Variants in HYDIN observed in about 807,000 individuals in gnomAD.
The protein encoded by HYDIN is axonemal central pair apparatus protein HYDIN.
A neutral mutation model predicts 403.9 loss-of-function variants in HYDIN; 132 were observed. That is an observed-to-expected ratio of 0.33 (90% CI 0.28 to 0.38). The LOEUF (loss-of-function observed/expected upper bound fraction) is 0.38. Among genes scored for constraint, HYDIN ranks in the 10% least tolerant of loss-of-function variants. The pLI is 1.00. For missense variants in HYDIN, 2,827 were observed against 5,009.5 expected (o/e 0.56, Z 13.15); for synonymous variants, 1,202 against 1,891.7 (o/e 0.64, Z 9.46).
chr16:71,039,725 C>A (rs1226506901), intron 18 of HYDIN, among the ~76,000 whole-genome samples: 1 of 152,214 alleles, frequency 6.6e-6, no homozygotes. Flanking sequence ...CCCTTTCCCC[C>A]TGAGAGCCAC....
At chr16:70,956,558 T>C (rs1597409209) in intron 39 of HYDIN, among the ~76,000 whole-genome samples, 1 of 152,006 alleles carries the variant, frequency 6.6e-6, no homozygotes, top group African/African-American at 2.4e-5. Flanking sequence ...TGGGTCCCCA[T>C]GAGAGGAGAG....
chr16:70,837,634 A>T (rs1430465437), intron 77 of HYDIN, 56 bp downstream of exon 77: 2 of 1,604,260 alleles, frequency 1.2e-6, no homozygotes, highest in Non-Finnish European at 1.7e-6. Context: ...GCAAAGAAGG[A>T]TGAGAAGGGT....
At chr16:71,034,649 C>T (rs188142376) in intron 18 of HYDIN, among the ~76,000 whole-genome samples, 3 of 152,084 alleles carry the variant, frequency 2.0e-5, no homozygotes, top group African/African-American at 7.2e-5. Context: ...TATATTTCTT[C>T]CTGGTTTGAA....
intron 38 of HYDIN, among the ~76,000 whole-genome samples, chr16:70,960,987 G>A (rs761736055): frequency 3.3e-5 from 5 of 152,324 alleles, no homozygotes; most frequent in South Asian, 2.1e-4. Context: ...CACCTTGCCC[G>A]GCCTAGCTCA....
chr16:70,868,849 G>A, intron 65 of HYDIN, 61 bp from the exon 66 acceptor site: 1 of 1,502,490 alleles, frequency 6.7e-7, no homozygotes, highest in East Asian at 2.5e-5. Context: ...CTTGATACCT[G>A]CTGGTGATAT....
intron 77 of HYDIN, among the ~76,000 whole-genome samples, chr16:70,836,250 C>G (rs1034531366): frequency 3.7e-4 from 57 of 152,326 alleles, no homozygotes; most frequent in African/African-American, 1.3e-3. Context: ...TGGCCAGGCC[C>G]TGAGCCAGAG....
At chr16:71,074,676 T>TCAAAA (rs948355879) in intron 13 of HYDIN, among the ~76,000 whole-genome samples, 28 of 70,894 alleles carry the variant, frequency 3.9e-4, no homozygotes, top group African/African-American at 5.2e-4. Flanking sequence ...AGACTCTGTC[T>TCAAAA]CAAAACAAAA....
intron 1 of HYDIN, among the ~76,000 whole-genome samples, chr16:71,229,222 G>A (rs2041174144): frequency 6.6e-6 from 1 of 151,862 alleles, no homozygotes; most frequent in Non-Finnish European, 1.5e-5. Flanking sequence ...TAGTTAATGG[G>A]TGCAGCACAC....
chr16:71,125,876 A>G (rs1053790742), intron 9 of HYDIN, among the ~76,000 whole-genome samples: 8 of 151,526 alleles, frequency 5.3e-5, no homozygotes, highest in Admixed American at 2.6e-4. Context: ...TTGCCTACAG[A>G]GATGGTCAGT....
chr16:70,927,983 AC>A (rs1310632677), intron 45 of HYDIN, among the ~76,000 whole-genome samples: 43 of 151,944 alleles, frequency 2.8e-4, no homozygotes, highest in Admixed American at 1.6e-3. Flanking sequence ...AAAAACAAAC[AC>A]CCAGGAATGT....
intron 84 of HYDIN, among the ~76,000 whole-genome samples, chr16:70,810,931 T>C (rs1273240179): frequency 6.6e-6 from 1 of 152,142 alleles, no homozygotes; most frequent in Non-Finnish European, 1.5e-5. Context: ...GAAATGCATA[T>C]ATAGTATGAG....
At chr16:70,843,491 T>C (rs74350714) in intron 75 of HYDIN, among the ~76,000 whole-genome samples, 9,286 of 115,832 alleles carry the variant, frequency 0.08, 564 homozygotes, top group African/African-American at 0.26. Context: ...TGAATAATGC[T>C]GCAATAAACA....
intron 45 of HYDIN, among the ~76,000 whole-genome samples, chr16:70,931,208 C>CTTCTT (rs2077313550): frequency 1.3e-5 from 1 of 78,244 alleles, no homozygotes; most frequent in African/African-American, 4.0e-5. Flanking sequence ...TCTCTTTCTT[C>CTTCTT]TGTTTTTTTT....
intron 18 of HYDIN, among the ~76,000 whole-genome samples, chr16:71,034,262 A>G (rs956368418): frequency 6.6e-6 from 1 of 152,172 alleles, no homozygotes; most frequent in Non-Finnish European, 1.5e-5. Context: ...AAAAGGAGAA[A>G]AAAGAGAAAT....
At chr16:70,984,899 G>C (rs1316771985) in intron 28 of HYDIN, among the ~76,000 whole-genome samples, 3 of 151,444 alleles carry the variant, frequency 2.0e-5, no homozygotes, top group Admixed American at 1.3e-4. Flanking sequence ...AGACATCGGT[G>C]GAAATAAATT....
In HYDIN at chr16:71,027,613, C is replaced by A; in HGVS notation, c.3031G>T (p.Ala1011Ser). 2 of 1,613,940 alleles carry A rather than the reference C, an allele frequency of 1.2e-6. No individual in the cohort carries two copies. The highest frequency in any genetic ancestry group is 1.3e-5 in the African/African-American group (1 of 74,992). Residue 1011 changes from alanine (A) to serine (S), a missense_variant, in exon 20 of 86, where the codon GCT (alanine) becomes TCT (serine). By Grantham distance (99) the Ala-to-Ser change is moderately conservative (BLOSUM62 1). Coordinates refer to ENST00000393567, the MANE Select transcript of HYDIN (RefSeq NM_001270974.2). ...AIDVILEGYSATPRIVKEKLV... is the reference protein window; with the variant it reads ...AIDVILEGYSSTPRIVKEKLV... Reference sequence around the variant, plus strand: ...TGCTATCCCCTTACCCTGGGAGTAGCAGAATAGCCTTCGAGTATCACATCA... The same window carrying A: ...TGCTATCCCCTTACCCTGGGAGTAGAAGAATAGCCTTCGAGTATCACATCA...
At chr16:70,824,929 A>T (rs1195245489) in intron 83 of HYDIN, among the ~76,000 whole-genome samples, 1 of 151,602 alleles carries the variant, frequency 6.6e-6, no homozygotes, top group African/African-American at 2.4e-5. Context: ...AGCTCACTGC[A>T]ACCTCAATCT....
At chr16:70,938,931 C>G (rs1360048214) in intron 43 of HYDIN, among the ~76,000 whole-genome samples, 176 bp from the exon 44 acceptor site, 1 of 152,110 alleles carries the variant, frequency 6.6e-6, no homozygotes, top group Non-Finnish European at 1.5e-5. Context: ...CATTTGGGCT[C>G]TGTCTGCAGG....
intron 45 of HYDIN, among the ~76,000 whole-genome samples, chr16:70,921,586 T>C (rs1597326526): frequency 6.6e-6 from 1 of 152,132 alleles, no homozygotes; most frequent in Non-Finnish European, 1.5e-5. Context: ...GGCCACAGCG[T>C]GTAGTGGTCC....
Sources: gnomAD v4.1 joint callset for allele counts (sites outside exome capture counted in the v4.1 genomes callset) on GRCh38, gnomAD v4.1.1 for gene constraint, MANE v1.5 for transcripts, NCBI Gene and HGNC (gene_info 2026-07-23, HGNC 2026-07-21) for gene names.